Variants in VEPH1 observed in about 807,000 individuals in gnomAD.
VEPH1 encodes the protein ventricular zone expressed PH domain containing 1, also known as ventricular zone-expressed PH domain-containing protein homolog 1.
In VEPH1, 80 loss-of-function variants were observed where a neutral mutation model predicts 85.2. The ratio of observed to expected loss-of-function variants is 0.94; its 90% CI spans 0.78 to 1.13. The LOEUF (loss-of-function observed/expected upper bound fraction) is 1.13, where lower values mean the gene tolerates loss of function less well. Ranked by LOEUF, VEPH1 falls within the 50% of genes most tolerant of loss-of-function variation. VEPH1 has a pLI of 0.00. For synonymous variants in VEPH1, 297 were observed against 348.0 expected, an observed-to-expected ratio of 0.85 and a Z score of 1.63; for missense variants, 955 against 980.5, an observed-to-expected ratio of 0.97 and a Z score of 0.35.
At chr3:157,460,407 T>G (rs754147058) in intron 3 of VEPH1, 52 bp from the exon 4 acceptor site, 5 of 1,566,924 alleles carry the variant, frequency 3.2e-6, no homozygotes, top group Non-Finnish European at 4.3e-6. Context: ...TATTCATTTA[T>G]TCATTCATTC....
intron 12 of VEPH1, among the ~76,000 whole-genome samples, chr3:157,276,729 G>C (rs1236126631): frequency 6.6e-6 from 1 of 152,020 alleles, no homozygotes; most frequent in African/African-American, 2.4e-5. Context: ...TTAATAGTGA[G>C]ACAAAAATTT....
At chr3:157,437,203 G>A in intron 4 of VEPH1, 1 of 1,189,902 alleles carries the variant, frequency 8.4e-7, no homozygotes, top group East Asian at 2.3e-5. Flanking sequence ...AGCACTTGAA[G>A]AAAGATGGAG....
In VEPH1 at chr3:157,468,981, T is replaced by A. The variant is rs376631178; in HGVS notation, c.354+1333A>T. On this transcript the variant is annotated intron_variant, in intron 3 of 13. Coordinates refer to ENST00000362010, the MANE Select transcript of VEPH1 (RefSeq NM_001167912.2). ...TCGATAGTGCTGCCCTAAAGACGAGTGGTTTTGAACCTGCAGGGGGAGATG... is the reference window on the plus strand; with the variant it reads ...TCGATAGTGCTGCCCTAAAGACGAGAGGTTTTGAACCTGCAGGGGGAGATG... 2.3e-4 allele frequency among the ~76,000 whole-genome samples: 35 copies of A among 152,236 alleles called. No individual in the cohort carries two copies. In the South Asian group the frequency reaches 7.3e-3, roughly 32 times the overall value.
chr3:157,372,810 A>G (rs1434478091), intron 7 of VEPH1, among the ~76,000 whole-genome samples: 1 of 152,214 alleles, frequency 6.6e-6, no homozygotes, highest in Admixed American at 6.5e-5. Flanking sequence ...AAGACATACA[A>G]CGTCCACTGA....
chr3:157,292,809 T>TAAAA (rs11332321), intron 11 of VEPH1, among the ~76,000 whole-genome samples: 4 of 98,604 alleles, frequency 4.1e-5, no homozygotes, highest in East Asian at 3.0e-4. Flanking sequence ...CCCTCTCTAC[T>TAAAA]AAAAAAAAAA....
intron 9 of VEPH1, among the ~76,000 whole-genome samples, chr3:157,334,134 TACTA>T (rs1041363911): frequency 4.5e-4 from 69 of 152,330 alleles, no homozygotes; most frequent in African/African-American, 1.6e-3. Context: ...CTTTAGCAAC[TACTA>T]ACTAAGCCTG....
chr3:157,356,498 T>C (rs1725446580), intron 9 of VEPH1, among the ~76,000 whole-genome samples: 1 of 152,114 alleles, frequency 6.6e-6, no homozygotes, highest in Non-Finnish European at 1.5e-5. Flanking sequence ...TTTGGAAAAA[T>C]ATTTAAAAAT....
At chr3:157,304,585 CT>C (rs1719257843) in intron 11 of VEPH1, among the ~76,000 whole-genome samples, 1 of 152,138 alleles carries the variant, frequency 6.6e-6, no homozygotes, top group Non-Finnish European at 1.5e-5. Context: ...GTAATCTCTA[CT>C]TGCTCCATGG....
intron 12 of VEPH1, 142 bp downstream of exon 12, chr3:157,286,415 G>A: frequency 1.4e-6 from 1 of 719,852 alleles, no homozygotes; most frequent in Non-Finnish European, 2.4e-6. Flanking sequence ...GCCTTTCTCA[G>A]CACAAAGCAG....
At chr3:157,440,658 A>ATG (rs1325774101) in intron 4 of VEPH1, among the ~76,000 whole-genome samples, 2 of 152,090 alleles carry the variant, frequency 1.3e-5, no homozygotes, top group East Asian at 3.9e-4. Flanking sequence ...ATATGTATAT[A>ATG]TGTGTGTATA....
chr3:157,272,075 A>G (rs1714629561), intron 12 of VEPH1, among the ~76,000 whole-genome samples: 1 of 151,778 alleles, frequency 6.6e-6, no homozygotes, highest in Non-Finnish European at 1.5e-5. Context: ...TTAGGAAACA[A>G]AAAGTCAGAA....
At chr3:157,429,141 T>A (rs1249738475) in intron 4 of VEPH1, among the ~76,000 whole-genome samples, 1 of 152,206 alleles carries the variant, frequency 6.6e-6, no homozygotes, top group African/African-American at 2.4e-5. Context: ...AACTATTACA[T>A]AACGTATAGA....
intron 9 of VEPH1, among the ~76,000 whole-genome samples, chr3:157,338,394 C>A (rs975383108): frequency 7.9e-5 from 12 of 152,128 alleles, no homozygotes; most frequent in Admixed American, 1.3e-4. Flanking sequence ...CTGTAATAAG[C>A]TAATTTATTT....
intron 5 of VEPH1, among the ~76,000 whole-genome samples, chr3:157,417,621 A>G (rs1732022929): frequency 6.6e-6 from 1 of 152,108 alleles, no homozygotes; most frequent in African/African-American, 2.4e-5. Flanking sequence ...CTCTTCCCCC[A>G]TGACCCAGCT....
chr3:157,423,012 A>C (rs1266110392), intron 5 of VEPH1, among the ~76,000 whole-genome samples: 1 of 152,068 alleles, frequency 6.6e-6, no homozygotes, highest in Non-Finnish European at 1.5e-5. Flanking sequence ...CTAGACCTTG[A>C]CCCTGTTGAG....
intron 9 of VEPH1, among the ~76,000 whole-genome samples, chr3:157,318,539 G>A (rs574665510): frequency 6.6e-6 from 1 of 151,628 alleles, no homozygotes; most frequent in East Asian, 1.9e-4. Context: ...CCCAGGAGGT[G>A]GAGTCTGCAG....
chr3:157,370,815 G>C (rs1239010181), intron 7 of VEPH1, among the ~76,000 whole-genome samples: 1 of 152,138 alleles, frequency 6.6e-6, no homozygotes, highest in Non-Finnish European at 1.5e-5. Context: ...GACAGTTGTG[G>C]GGGAAACTGA....
rs761761440 is a variant in VEPH1 at position 157,450,048 on chromosome 3, C to CTTTTTTT, written c.529+10126_529+10132dup. ...CTTAAAATTGACTGGAGAATATTTA[C>CTTTTTTT]TTTTTTTTTTTTTTTTTTTTTTTTT... On this transcript the variant is annotated intron_variant, in intron 4 of 13. Transcript: ENST00000362010. 3.5e-4 allele frequency among the ~76,000 whole-genome samples: 27 copies of CTTTTTTT among 77,322 alleles called. 2 individuals are homozygous for CTTTTTTT. Among genetic ancestry groups the CTTTTTTT allele is most frequent in the African/African-American group, 6.7e-4 (14 of 20,952 alleles). 50.7% of individuals were successfully genotyped at this position (77,322 alleles called of 152,430 possible).
chr3:157,311,881 C>T (rs1343623574), intron 11 of VEPH1, among the ~76,000 whole-genome samples: 1 of 152,166 alleles, frequency 6.6e-6, no homozygotes, highest in Non-Finnish European at 1.5e-5. Flanking sequence ...TTTTACTCTA[C>T]ACTGAGGCAA....
Sources: gnomAD v4.1 joint callset for allele counts (sites outside exome capture counted in the v4.1 genomes callset) on GRCh38, gnomAD v4.1.1 for gene constraint, MANE v1.5 for transcripts, NCBI Gene and HGNC (gene_info 2026-07-23, HGNC 2026-07-21) for gene names.